Variants in PRDM1 observed in about 807,000 individuals in gnomAD.
PRDM1 encodes PR domain zinc finger protein 1.
In PRDM1, 13 loss-of-function variants were observed where a neutral mutation model predicts 62.8. The ratio of observed to expected loss-of-function variants is 0.21; its 90% CI spans 0.13 to 0.33. PRDM1 has a LOEUF of 0.33. Among genes scored for constraint, PRDM1 ranks in the 10% least tolerant of loss-of-function variants. PRDM1 has a pLI of 1.00. For synonymous variants in PRDM1, 396 were observed against 417.6 expected (o/e 0.95, Z 0.63); for missense variants, 895 against 1,058.8 (o/e 0.85, Z 2.15).
chr6:105,995,365 AGT>A (rs1772336535), intron 1 of PRDM1, among the ~76,000 whole-genome samples: 1 of 152,180 alleles, frequency 6.6e-6, no homozygotes, highest in South Asian at 2.1e-4. Context: ...TTCTAGGAAA[AGT>A]GTTTTTTAAA....
chr6:106,009,682 A>G (rs1772522475), intron 1 of PRDM1, among the ~76,000 whole-genome samples: 1 of 152,108 alleles, frequency 6.6e-6, no homozygotes, highest in South Asian at 2.1e-4. Flanking sequence ...GAAAGTTTTG[A>G]GCATCCAACC....
At chr6:106,052,813 A>C (rs1773199910) in intron 1 of PRDM1, among the ~76,000 whole-genome samples, 1 of 152,142 alleles carries the variant, frequency 6.6e-6, no homozygotes, top group South Asian at 2.1e-4. Flanking sequence ...TCTACTAAAA[A>C]TACAAAAATT....
At position 106,105,741 on chromosome 6, in the gene PRDM1, TGTG is replaced by T; in HGVS notation, c.1585_1587del (p.Val529del). The T allele has an allele frequency of 6.2e-7, 1 of 1,614,102 alleles. No individual in the cohort carries two copies. Among genetic ancestry groups the T allele is most frequent in the Non-Finnish European group, 8.5e-7 (1 of 1,180,024 alleles). ...CGGGAACAGCCGCCACGGCAGAACA[TGTG>T]GTGCAGCCCAAAGCTACCTCAGCAG... On this transcript the variant is annotated inframe_deletion, in exon 5 of 7. Transcript: ENST00000369096.
At chr6:106,052,982 T>C (rs931591272) in intron 1 of PRDM1, among the ~76,000 whole-genome samples, 3 of 151,892 alleles carry the variant, frequency 2.0e-5, no homozygotes, top group African/African-American at 7.3e-5. Flanking sequence ...AAAAAAGTTA[T>C]GGTCACTATT....
chr6:106,103,087 T>A (rs183865236), intron 4 of PRDM1, among the ~76,000 whole-genome samples: 111 of 152,312 alleles, frequency 7.3e-4, no homozygotes, highest in Non-Finnish European at 5.3e-4. Flanking sequence ...TTTGTTTTAG[T>A]GGCTTCAGAA....
At chr6:106,055,111 T>C (rs1773241816) in intron 1 of PRDM1, among the ~76,000 whole-genome samples, 1 of 152,230 alleles carries the variant, frequency 6.6e-6, no homozygotes, top group Non-Finnish European at 1.5e-5. Context: ...CTGGATTATC[T>C]GAGCCAAGGA....
rs375423559 is a variant in PRDM1 at position 106,105,243 on chromosome 6, C to T, written c.1083C>T (p.Ser361=). The T allele has an allele frequency of 1.2e-6, 2 of 1,613,816 alleles. No individual in the cohort carries two copies. Among genetic ancestry groups the T allele is most frequent in the South Asian group, 2.2e-5 (2 of 91,082 alleles). The change falls in exon 5 of 7, where the codon TCC becomes TCT. Residue 361 remains serine, a synonymous_variant. Transcript: ENST00000369096. ...SPHSSPGNTV[S]PVGPGSQEHR... is the part of the protein sequence containing the mutation. ...ACAGCAGCCCTGGGAATACGGTGTCCCCTGTGGGCCCCGGCTCTCAAGAGC... is the reference window on the plus strand; with the variant it reads ...ACAGCAGCCCTGGGAATACGGTGTCTCCTGTGGGCCCCGGCTCTCAAGAGC...
intron 1 of PRDM1, among the ~76,000 whole-genome samples, chr6:106,017,414 A>T (rs561668019): frequency 1.6e-3 from 249 of 152,358 alleles, no homozygotes; most frequent in Admixed American, 3.1e-3. Context: ...AACACAGGCT[A>T]ATAGAAAACA....
Position 105,997,504 on chromosome 6 carries a change from A to C in PRDM1, c.-67+3865A>C, listed in dbSNP as rs938594424. Among the ~76,000 whole-genome samples, 4 of 152,344 alleles carry C rather than the reference A, an allele frequency of 2.6e-5. No homozygotes were observed. The East Asian group carries it at 7.7e-4, about 29-fold the overall frequency. On this transcript the variant is annotated intron_variant, in intron 1 of 6. Transcript: ENST00000652320. ...GTTTGTTTGTTCTTCATTAACATTA[A>C]TGACATTTCTCAACTGCATTTGCTT... is the stretch of plus-strand genomic sequence containing the variant.
chr6:106,046,722 G>A (rs1252653973), upstream of PRDM1: 1 of 152,332 alleles, frequency 6.6e-6, no homozygotes, highest in Non-Finnish European at 1.5e-5. Flanking sequence ...GCTGGGGAGA[G>A]GGAGAGTTCT....
chr6:106,021,753 TG>T (rs1197330236), intron 1 of PRDM1, among the ~76,000 whole-genome samples: 1 of 152,206 alleles, frequency 6.6e-6, no homozygotes, highest in African/African-American at 2.4e-5. Context: ...CCCAAGTAGC[TG>T]GGATTACAGG....
At chr6:106,103,808 A>C (rs1440231782) in intron 4 of PRDM1, among the ~76,000 whole-genome samples, 2 of 152,138 alleles carry the variant, frequency 1.3e-5, no homozygotes, top group East Asian at 3.8e-4. Flanking sequence ...TGGGTGCGCT[A>C]AGTAATTGAA....
intron 1 of PRDM1, among the ~76,000 whole-genome samples, chr6:106,039,607 T>G (rs1772965423): frequency 6.6e-6 from 1 of 152,208 alleles, no homozygotes; most frequent in Non-Finnish European, 1.5e-5. Flanking sequence ...GTTTTTATTT[T>G]GTACTGATTG....
chr6:106,087,823 C>T (rs917699633), intron 1 of PRDM1: 5 of 236,656 alleles, frequency 2.1e-5, no homozygotes, highest in African/African-American at 1.1e-4. Context: ...GCAGCTTTTC[C>T]ACAGTGCCGA....
At chr6:106,092,456 C>G (rs1773991486) in intron 2 of PRDM1, among the ~76,000 whole-genome samples, 1 of 152,204 alleles carries the variant, frequency 6.6e-6, no homozygotes, top group African/African-American at 2.4e-5. Context: ...CGGCCTGTCC[C>G]CAGCAGTAAT....
intron 1 of PRDM1, among the ~76,000 whole-genome samples, chr6:106,008,451 C>T (rs1187506892): frequency 6.6e-6 from 1 of 150,884 alleles, no homozygotes; most frequent in Non-Finnish European, 1.5e-5. Flanking sequence ...GCTGGGGTGC[C>T]CCTCCTTAAA....
At chr6:106,091,972 A>G (rs553341382) in intron 2 of PRDM1, among the ~76,000 whole-genome samples, 1 of 152,256 alleles carries the variant, frequency 6.6e-6, no homozygotes, top group South Asian at 2.1e-4. Context: ...ATTCTTATAG[A>G]GTGGGATTCG....
chr6:106,078,087 G>A (rs181301442), intron 1 of PRDM1, among the ~76,000 whole-genome samples: 1 of 152,166 alleles, frequency 6.6e-6, no homozygotes, highest in Non-Finnish European at 1.5e-5. Flanking sequence ...GTTGACAAAT[G>A]GTTTGTGTTT....
chr6:105,994,816 A>G lies in PRDM1; in HGVS notation c.-67+1177A>G, dbSNP rs1772326282. ...GGATGGCTGGGTGTGCAAACCGAAA[A>G]CAGTTTGTCAGCCCTCCAGTCCCGC... On this transcript the variant is annotated intron_variant, in intron 1 of 6. Transcript: ENST00000652320. This position sits in a 1 kb window ranked among gnomAD's most constrained non-coding sequence, Gnocchi z 4.1. 6.6e-6 allele frequency among the ~76,000 whole-genome samples: 1 copy of G among 152,082 alleles called. No homozygotes were observed. The highest frequency in any genetic ancestry group is 2.4e-5 in the African/African-American group (1 of 41,414).
Sources: allele counts gnomAD v4.1 joint callset (sites outside exome capture counted in the v4.1 genomes callset), GRCh38; gene constraint gnomAD v4.1.1; non-coding constraint Gnocchi (gnomAD v3.1); transcripts MANE v1.5; gene names NCBI Gene and HGNC (gene_info 2026-07-23, HGNC 2026-07-21).